PDE1C: variants seen among roughly 807,000 people sequenced by gnomAD.
PDE1C encodes the protein phosphodiesterase 1C.
Under a neutral mutation model 93.1 loss-of-function variants are expected in PDE1C, and 62 were observed. That is an observed-to-expected ratio of 0.67 (90% confidence interval 0.54 to 0.82). PDE1C has a LOEUF of 0.82. Among genes scored for constraint, PDE1C ranks in the 40% least tolerant of loss-of-function variants. The pLI, the probability that PDE1C is intolerant of heterozygous loss-of-function variation, is 0.00. For synonymous variants in PDE1C, 325 were observed against 310.1 expected (o/e 1.05, Z -0.50); for missense variants, 742 against 884.6 (o/e 0.84, Z 2.04).
At chr7:32,065,073 G>A (rs1795244494) in intron 1 of PDE1C, among the ~76,000 whole-genome samples, 1 of 150,688 alleles carries the variant, frequency 6.6e-6, no homozygotes, top group African/African-American at 2.4e-5. Flanking sequence ...GGAGGAGCCG[G>A]GGGCCAGTGA....
At chr7:32,028,915 C>T (rs1789865877) in intron 2 of PDE1C, among the ~76,000 whole-genome samples, 2 of 152,024 alleles carry the variant, frequency 1.3e-5, no homozygotes, top group Non-Finnish European at 2.9e-5. Context: ...GTTTTAGATT[C>T]CACATCTAAG....
intron 16 of PDE1C, chr7:31,786,768 C>G (rs557421681): frequency 6.6e-6 from 1 of 152,304 alleles, no homozygotes; most frequent in Admixed American, 6.5e-5. Context: ...CTCTATTTCA[C>G]TATGAGAAAA....
At chr7:32,210,248 A>G (rs1185785212) in intron 1 of PDE1C, among the ~76,000 whole-genome samples, 1 of 152,228 alleles carries the variant, frequency 6.6e-6, no homozygotes, top group East Asian at 1.9e-4. Context: ...GGGGAAACAC[A>G]GGTTTCACTC....
intron 2 of PDE1C, among the ~76,000 whole-genome samples, chr7:31,912,751 T>G (rs901294842): frequency 1.6e-4 from 24 of 152,178 alleles, no homozygotes; most frequent in Admixed American, 5.9e-4. Context: ...TAGTTCCCTG[T>G]AATTCAGCAA....
chr7:31,767,062 T>G (rs2128617812), intron 17 of PDE1C, among the ~76,000 whole-genome samples: 1 of 152,358 alleles, frequency 6.6e-6, no homozygotes. Context: ...ATCTCTATAT[T>G]TTAAAAGCAA....
rs368770853 is a variant in PDE1C at position 31,821,487 on chromosome 7, T to C, written c.1582+1586A>G. 6.6e-5 allele frequency among the ~76,000 whole-genome samples: 10 copies of C among 152,228 alleles called. No homozygotes were observed. The South Asian group carries it at 8.3e-4, about 13-fold the overall frequency. On this transcript the variant is annotated intron_variant, in intron 14 of 17. Transcript: ENST00000396191. ...GAATTTTCAAGTGTAATGAGTGTAATTGATTATAAGAGAGTGTTTCTTTGC... is the reference window on the plus strand; with the variant it reads ...GAATTTTCAAGTGTAATGAGTGTAACTGATTATAAGAGAGTGTTTCTTTGC...
chr7:32,238,977 G>A (rs945912170), intron 1 of PDE1C, among the ~76,000 whole-genome samples: 1 of 152,194 alleles, frequency 6.6e-6, no homozygotes, highest in Non-Finnish European at 1.5e-5. Context: ...TGTTTCAGAA[G>A]ATAAGCAGAC....
At chr7:31,870,726 G>A (rs1357977652) in intron 6 of PDE1C, among the ~76,000 whole-genome samples, 1 of 151,904 alleles carries the variant, frequency 6.6e-6, no homozygotes, top group Admixed American at 6.6e-5. Flanking sequence ...AAATTGAGGG[G>A]CAATTTCTCC....
the PDE1C span, among the ~76,000 whole-genome samples, chr7:31,690,307 C>T: frequency 6.6e-6 from 1 of 152,202 alleles, no homozygotes; most frequent in East Asian, 1.9e-4. Flanking sequence ...GCTAAGCATG[C>T]AGCTATGCTA....
chr7:31,733,689 C>T, the PDE1C span, among the ~76,000 whole-genome samples: 2 of 152,194 alleles, frequency 1.3e-5, no homozygotes, highest in African/African-American at 2.4e-5. Flanking sequence ...TACTAAAACA[C>T]TGGCCATTAA....
the PDE1C span, among the ~76,000 whole-genome samples, chr7:31,739,469 G>A: frequency 6.6e-6 from 1 of 152,268 alleles, no homozygotes. Context: ...CATTCATTGA[G>A]CACTGACCAT....
At chr7:32,222,064 G>A (rs1449681904) in intron 1 of PDE1C, among the ~76,000 whole-genome samples, 2 of 152,134 alleles carry the variant, frequency 1.3e-5, no homozygotes, top group Non-Finnish European at 2.9e-5. Flanking sequence ...CACTTGAGGT[G>A]CTCAAAGGCA....
chr7:32,172,170 G>T (rs200020874), intron 2 of PDE1C, among the ~76,000 whole-genome samples: 1 of 151,840 alleles, frequency 6.6e-6, no homozygotes, highest in Non-Finnish European at 1.5e-5. Context: ...ACCAATTGCC[G>T]TTGGCTTGTT....
chr7:31,827,704 C>T (rs1325462921), intron 12 of PDE1C, among the ~76,000 whole-genome samples: 1 of 152,030 alleles, frequency 6.6e-6, no homozygotes, highest in Non-Finnish European at 1.5e-5. Context: ...CAACATTTAA[C>T]TTAGATAGGG....
intron 2 of PDE1C, among the ~76,000 whole-genome samples, chr7:32,033,986 C>T (rs1299614340): frequency 6.6e-6 from 1 of 151,036 alleles, no homozygotes; most frequent in Non-Finnish European, 1.5e-5. Context: ...TGGGTTATAG[C>T]CAACAATTTT....
chr7:31,854,072 C>T (rs7809924), intron 7 of PDE1C, among the ~76,000 whole-genome samples: 27,394 of 151,864 alleles, frequency 0.18, 2,679 homozygotes, highest in South Asian at 0.24. Flanking sequence ...GATGTACAGA[C>T]AGTGTGGAGG....
At chr7:31,953,498 T>C (rs79999380) in intron 2 of PDE1C, among the ~76,000 whole-genome samples, 5 of 152,230 alleles carry the variant, frequency 3.3e-5, no homozygotes, top group Non-Finnish European at 5.9e-5. Flanking sequence ...GTCAGGGTGC[T>C]TGACAGCTCT....
At chr7:31,880,663 T>G in intron 3 of PDE1C, 84 bp downstream of exon 3, 1 of 770,120 alleles carries the variant, frequency 1.3e-6, no homozygotes, top group Non-Finnish European at 2.2e-6. Context: ...ACCCCATTCC[T>G]GGCATGGGGG....
intron 3 of PDE1C, among the ~76,000 whole-genome samples, chr7:32,094,008 GCTC>G (rs1797616134): frequency 6.6e-6 from 1 of 152,230 alleles, no homozygotes; most frequent in African/African-American, 2.4e-5. Flanking sequence ...ATGGTAAAGG[GCTC>G]CTCCTTCTCC....
Sources: allele counts gnomAD v4.1 joint callset (sites outside exome capture counted in the v4.1 genomes callset), GRCh38; gene constraint gnomAD v4.1.1; transcripts MANE v1.5; gene names NCBI Gene and HGNC (gene_info 2026-07-23, HGNC 2026-07-21).